The following JARID2 variants were observed in gnomAD, a reference collection of about 807,000 sequenced individuals.
The protein encoded by JARID2 is protein Jumonji.
A neutral mutation model predicts 125.6 loss-of-function variants in JARID2; 21 were observed. The observed-to-expected ratio is 0.17, with a 90% confidence interval of 0.12 to 0.24. The LOEUF is 0.24. Among genes scored for constraint, JARID2 ranks in the 10% least tolerant of loss-of-function variants. The pLI is 1.00. For synonymous variants in JARID2, 736 were observed against 661.6 expected (o/e 1.11, Z -1.73); for missense variants, 1,303 against 1,639.6 (o/e 0.79, Z 3.55).
rs562200048 is a variant in JARID2 at position 15,381,320 on chromosome 6, G to A, written c.181+7068G>A. ...CGTGCCACTGCAATCCAGCTGGGGCGACAGAGGGAGACTCCTGTCTCAAAA... is the reference window on the plus strand; with the variant it reads ...CGTGCCACTGCAATCCAGCTGGGGCAACAGAGGGAGACTCCTGTCTCAAAA... On this transcript the variant is annotated intron_variant, in intron 2 of 17. Coordinates refer to ENST00000341776, the MANE Select transcript of JARID2 (RefSeq NM_004973.4). Among the ~76,000 whole-genome samples the A allele has an allele frequency of 2.7e-3, 370 of 138,962 alleles. 4 individuals carry two copies. Among genetic ancestry groups the A allele is most frequent in the Middle Eastern group, 0.013 (3 of 232 alleles). The allele number at this position is 138,962 out of a possible 152,430, so 91.2% of individuals were successfully genotyped here. A position where few individuals can be genotyped will look rare whatever the true frequency, so the allele number is the denominator to read the frequency against.
intron 1 of JARID2, among the ~76,000 whole-genome samples, chr6:15,295,119 CTTTCT>C (rs1761362097): frequency 7.3e-6 from 1 of 137,344 alleles, no homozygotes; most frequent in African/African-American, 2.7e-5. Context: ...TTTTTTTTTT[CTTTCT>C]TTTTTTTTTT....
chr6:15,389,550 C>T (rs1427223401), intron 2 of JARID2, among the ~76,000 whole-genome samples: 2 of 152,240 alleles, frequency 1.3e-5, no homozygotes, highest in African/African-American at 2.4e-5. Flanking sequence ...AGTGTACCCT[C>T]CATGAGATGA....
intron 1 of JARID2, among the ~76,000 whole-genome samples, chr6:15,295,591 C>T (rs1201046489): frequency 1.3e-5 from 2 of 152,290 alleles, no homozygotes; most frequent in Non-Finnish European, 2.9e-5. Flanking sequence ...AAGGAGATTG[C>T]TGTATGATGA....
intron 3 of JARID2, among the ~76,000 whole-genome samples, chr6:15,426,655 GAGTGGA>G (rs1766740877): frequency 6.6e-6 from 1 of 152,204 alleles, no homozygotes. Context: ...TTATAGTAGG[GAGTGGA>G]AGAGCTCCAA....
chr6:15,419,093 T>G (rs1766369236), intron 3 of JARID2, among the ~76,000 whole-genome samples: 1 of 152,180 alleles, frequency 6.6e-6, no homozygotes, highest in Non-Finnish European at 1.5e-5. Context: ...AAAAATAAAT[T>G]AGTAGTATAA....
intron 3 of JARID2, among the ~76,000 whole-genome samples, chr6:15,425,524 T>C (rs1053889065): frequency 2.6e-5 from 4 of 152,114 alleles, no homozygotes; most frequent in African/African-American, 7.2e-5. Flanking sequence ...CCCTCTTGAG[T>C]GGATTAATAC....
intron 4 of JARID2, among the ~76,000 whole-genome samples, chr6:15,464,138 G>T (rs1310662999): frequency 1.3e-5 from 2 of 152,164 alleles, no homozygotes; most frequent in African/African-American, 4.8e-5. Context: ...TGAAATAAGA[G>T]ATGATCTTAC....
chr6:15,414,960 G>A (rs769742718), intron 3 of JARID2, among the ~76,000 whole-genome samples: 25 of 152,132 alleles, frequency 1.6e-4, no homozygotes, highest in African/African-American at 5.6e-4. Flanking sequence ...AGGACCCTGC[G>A]GCTTTCCGCA....
intron 2 of JARID2, among the ~76,000 whole-genome samples, chr6:15,403,026 A>G (rs2127557873): frequency 6.6e-6 from 1 of 152,230 alleles, no homozygotes; most frequent in South Asian, 2.1e-4. Flanking sequence ...TAGGTACTGT[A>G]CTTGTTCTGA....
At chr6:15,458,211 C>T (rs1390775241) in intron 4 of JARID2, among the ~76,000 whole-genome samples, 1 of 152,152 alleles carries the variant, frequency 6.6e-6, no homozygotes, top group Non-Finnish European at 1.5e-5. Flanking sequence ...TGATTATTAA[C>T]AGATTAAAAA....
At chr6:15,338,006 GA>G (rs1374189435) in intron 1 of JARID2, among the ~76,000 whole-genome samples, 2 of 152,140 alleles carry the variant, frequency 1.3e-5, no homozygotes, top group African/African-American at 4.8e-5. Flanking sequence ...CCACCTCACG[GA>G]AGGACGCCAT....
At chr6:15,499,876 T>C (rs1770648312) in intron 7 of JARID2, among the ~76,000 whole-genome samples, 1 of 152,194 alleles carries the variant, frequency 6.6e-6, no homozygotes, top group Non-Finnish European at 1.5e-5. Flanking sequence ...CTGTGTGTGC[T>C]GTGTCTGCCG....
chr6:15,455,048 C>T (rs1332932450), intron 4 of JARID2, among the ~76,000 whole-genome samples: 1 of 152,052 alleles, frequency 6.6e-6, no homozygotes, highest in Non-Finnish European at 1.5e-5. Context: ...TCAGGTATAT[C>T]TAGCCGCGCT....
At chr6:15,313,942 C>T (rs1762098840) in intron 1 of JARID2, among the ~76,000 whole-genome samples, 1 of 152,144 alleles carries the variant, frequency 6.6e-6, no homozygotes, top group South Asian at 2.1e-4. Flanking sequence ...TCTGCTGGCC[C>T]ATGGCTGTCT....
intron 1 of JARID2, among the ~76,000 whole-genome samples, chr6:15,310,166 G>T (rs12198694): frequency 0.032 from 4,849 of 152,234 alleles, 128 homozygotes; most frequent in South Asian, 0.11. Context: ...ATTTCCAGAG[G>T]TGCCGCACAA....
At chr6:15,269,797 A>T (rs1760228183) in intron 1 of JARID2, among the ~76,000 whole-genome samples, 1 of 152,164 alleles carries the variant, frequency 6.6e-6, no homozygotes, top group African/African-American at 2.4e-5. Flanking sequence ...CTGGCTATAT[A>T]GACCACAGAG....
At chr6:15,410,143 C>A (rs558956547) in intron 2 of JARID2, 81 bp from the exon 3 acceptor site, 3 of 1,268,308 alleles carry the variant, frequency 2.4e-6, no homozygotes, top group South Asian at 1.5e-5. Flanking sequence ...TCTTCATCAG[C>A]GTTGTGTAGG....
intron 1 of JARID2, among the ~76,000 whole-genome samples, chr6:15,271,196 A>G (rs1056675924): frequency 3.9e-5 from 6 of 152,178 alleles, no homozygotes; most frequent in African/African-American, 1.4e-4. Flanking sequence ...AGGGAGGGAC[A>G]TGTGTAGGGG....
intron 3 of JARID2, among the ~76,000 whole-genome samples, chr6:15,428,961 G>T (rs1223002738): frequency 7.2e-6 from 1 of 138,512 alleles, no homozygotes; most frequent in Non-Finnish European, 1.5e-5. Flanking sequence ...AAAACTTCTA[G>T]AGTATAGTCC....
Sources: allele counts gnomAD v4.1 joint callset (sites outside exome capture counted in the v4.1 genomes callset), GRCh38; gene constraint gnomAD v4.1.1; transcripts MANE v1.5; gene names NCBI Gene and HGNC (gene_info 2026-07-23, HGNC 2026-07-21).